MPRIP: variants seen among roughly 807,000 people sequenced by gnomAD.
MPRIP encodes the protein myosin phosphatase Rho interacting protein, also known as myosin phosphatase Rho-interacting protein.
In MPRIP, 59 loss-of-function variants were observed where a neutral mutation model predicts 234.9. The observed-to-expected ratio is 0.25, with a 90% CI of 0.20 to 0.31. The LOEUF (loss-of-function observed/expected upper bound fraction) is 0.31, where lower values mean the gene tolerates loss of function less well. Among genes scored for constraint, MPRIP ranks in the 10% least tolerant of loss-of-function variants. The pLI is 1.00. For missense variants in MPRIP, 2,436 were observed against 3,071.0 expected, an observed-to-expected ratio of 0.79 and a Z score of 4.89; for synonymous variants, 1,144 against 1,263.9, an observed-to-expected ratio of 0.91 and a Z score of 2.01.
rs758618390 is a variant in MPRIP, at chr17:17,172,852, G to GC, written c.6590+41dup. 7.7e-6 allele frequency: 12 copies of GC among 1,567,024 alleles called. No individual in the cohort carries two copies. In the South Asian group the frequency reaches 1.0e-4, roughly 13 times the overall value. On this transcript the variant is annotated intron_variant, in intron 18 of 23. Transcript: ENST00000651222. The stretch of plus-strand genomic sequence containing the variant: ...GGCCTGCCCATCTGCCCTTGGGAGG[G>GC]CCCCTCTGGGGTGCTGACCAGGCCA...
chr17:17,055,387 G>T (rs757976372), intron 1 of MPRIP, among the ~76,000 whole-genome samples: 26 of 152,318 alleles, frequency 1.7e-4, no homozygotes, highest in South Asian at 6.2e-4. Flanking sequence ...CAGAGCTGGG[G>T]AGCCGGGTCT....
intron 3 of MPRIP, among the ~76,000 whole-genome samples, chr17:17,107,500 C>G (rs1362342356): frequency 6.6e-6 from 1 of 152,192 alleles, no homozygotes; most frequent in Non-Finnish European, 1.5e-5. Flanking sequence ...GCCTTGTGAG[C>G]CTGACACTGT....
intron 3 of MPRIP, among the ~76,000 whole-genome samples, chr17:17,118,511 C>G (rs1209404156): frequency 6.6e-6 from 1 of 152,182 alleles, no homozygotes; most frequent in African/African-American, 2.4e-5. Context: ...AGGGCTCAGC[C>G]CAGCCTAGGG....
At chr17:17,146,946 A>G (rs964184749) in intron 10 of MPRIP, among the ~76,000 whole-genome samples, 1 of 152,180 alleles carries the variant, frequency 6.6e-6, no homozygotes, top group Non-Finnish European at 1.5e-5. Flanking sequence ...TGGAGATGCC[A>G]TTTCACAGCC....
intron 1 of MPRIP, among the ~76,000 whole-genome samples, chr17:17,063,240 G>A (rs950772915): frequency 3.3e-5 from 5 of 152,234 alleles, no homozygotes; most frequent in African/African-American, 1.2e-4. Flanking sequence ...TCAGCTGGGT[G>A]GGGGTGACTA....
chr17:17,154,478 C>A, intron 13 of MPRIP, 63 bp downstream of exon 13: 1 of 1,394,684 alleles, frequency 7.2e-7, no homozygotes, highest in Non-Finnish European at 1.0e-6. Context: ...CCCGCCAGGG[C>A]AGTGTCAGAC....
chr17:17,070,696 A>C (rs2089171294), intron 1 of MPRIP, among the ~76,000 whole-genome samples: 1 of 152,190 alleles, frequency 6.6e-6, no homozygotes, highest in Non-Finnish European at 1.5e-5. Flanking sequence ...GGGTGCTTTA[A>C]AATCTTTAAA....
intron 13 of MPRIP, among the ~76,000 whole-genome samples, chr17:17,155,657 CTG>C (rs1032181726): frequency 6.6e-6 from 1 of 152,276 alleles, no homozygotes; most frequent in African/African-American, 2.4e-5. Context: ...TTTTCTGTGT[CTG>C]TCATTTGTTC....
intron 23 of MPRIP, chr17:17,182,017 C>T: frequency 6.6e-6 from 1 of 152,396 alleles, no homozygotes; most frequent in Non-Finnish European, 1.5e-5. Context: ...GAGTGCAGGG[C>T]TAGTCCTGCT....
Position 17,174,003 on chromosome 17 carries a change from G to C in MPRIP, c.6678G>C (p.Gln2226His), listed in dbSNP as rs1247135457. The change falls in exon 19 of 24, where the codon CAG (glutamine) becomes CAC (histidine). Residue 2226 changes from glutamine to histidine, a missense_variant. Gln to His is a conservative substitution (Grantham distance 24, BLOSUM62 0). Transcript: ENST00000651222. ...QKCLENAHLA[Q>H]ALEAERQALR... is the part of the protein sequence containing the mutation. Reference sequence around the variant, plus strand: ...GCCTGGAGAATGCCCATCTGGCCCAGGCGCTGGAGGCCGAGCGGCAGGCCC... The same window carrying C: ...GCCTGGAGAATGCCCATCTGGCCCACGCGCTGGAGGCCGAGCGGCAGGCCC... 7.4e-6 allele frequency: 12 copies of C among 1,613,596 alleles called. No individual in the cohort carries two copies. The highest frequency in any genetic ancestry group is 1.0e-5 in the Non-Finnish European group (12 of 1,180,046).
Position 17,187,181 on chromosome 17 carries a change from C to T in MPRIP, c.*2287C>T, listed in dbSNP as rs944000652. Reference sequence around the variant, plus strand: ...TGCTTTAAATTAAAGCAAGTTTGCCCATAGGACAAAAGAGCATTTGATTCC... The same window carrying T: ...TGCTTTAAATTAAAGCAAGTTTGCCTATAGGACAAAAGAGCATTTGATTCC... On this transcript the variant is annotated 3_prime_UTR_variant, in exon 24 of 24. Transcript: ENST00000651222. 2 of 152,242 alleles carry T rather than the reference C, an allele frequency of 1.3e-5. No homozygotes were observed. The highest frequency in any genetic ancestry group is 2.4e-5 in the African/African-American group (1 of 41,442). 9.4% of individuals were successfully genotyped at this position (152,242 alleles called of 1,614,324 possible). A position where few individuals can be genotyped will look rare whatever the true frequency, so the allele number is the denominator to read the frequency against.
intron 16 of MPRIP, 101 bp downstream of exon 16, chr17:17,168,016 T>C: frequency 1.1e-6 from 1 of 920,432 alleles, no homozygotes; most frequent in East Asian, 6.2e-5. Flanking sequence ...ATTGAGGGGA[T>C]ATGCTGCTGT....
chr17:17,045,333 TTTTG>T (rs765298989), intron 1 of MPRIP, among the ~76,000 whole-genome samples: 4 of 151,944 alleles, frequency 2.6e-5, no homozygotes, highest in Non-Finnish European at 5.9e-5. Flanking sequence ...CAGCTGTGGG[TTTTG>T]TTTGTTTGTT....
rs56247606 is a variant in MPRIP, at chr17:17,185,362, C to T, written c.*468C>T. The T allele has an allele frequency of 0.028, 10,900 of 388,030 alleles. 898 individuals are homozygous for T. Among genetic ancestry groups the T allele is most frequent in the African/African-American group, 0.19 (9,231 of 48,068 alleles). The allele number at this position is 388,030 out of a possible 1,614,324, so 24.0% of individuals were successfully genotyped here. On this transcript the variant is annotated 3_prime_UTR_variant, in exon 24 of 24. Coordinates refer to ENST00000651222, the MANE Select transcript of MPRIP (RefSeq NM_001364716.4). Reference sequence around the variant, plus strand: ...CTTGGCCTGGGTCACAGCACTGACTCCTCACCCGCTAGTCTGGCTGTTAAG... The same window carrying T: ...CTTGGCCTGGGTCACAGCACTGACTTCTCACCCGCTAGTCTGGCTGTTAAG...
intron 3 of MPRIP, chr17:17,096,921 G>C: frequency 2.4e-6 from 1 of 413,000 alleles, no homozygotes; most frequent in South Asian, 1.8e-5. Flanking sequence ...CTCGTCGGCT[G>C]CTGGGAAGAC....
chr17:17,179,838 C>CA (rs973548298), intron 22 of MPRIP, among the ~76,000 whole-genome samples, 165 bp from the exon 23 acceptor site: 1 of 152,168 alleles, frequency 6.6e-6, no homozygotes, highest in Non-Finnish European at 1.5e-5. Context: ...AGAGATCTAG[C>CA]ATGTTTTATG....
chr17:17,137,929 G>A lies in MPRIP; in HGVS notation c.750G>A (p.Met250Ile). ...GLESKEEESA[M>I]SSDRMDCGRK... ...TGTCTCTTCCAGAGGAGAGCGCCATGAGTAGCGACCGCATGGACTGTGGCC... is the reference window on the plus strand; with the variant it reads ...TGTCTCTTCCAGAGGAGAGCGCCATAAGTAGCGACCGCATGGACTGTGGCC... Residue 250 changes from methionine (M) to isoleucine (I), a missense_variant, in exon 7 of 24, where the codon ATG (methionine) becomes ATA (isoleucine). Coordinates refer to ENST00000651222, the MANE Select transcript of MPRIP (RefSeq NM_001364716.4). 3 of 1,607,158 alleles carry A rather than the reference G, an allele frequency of 1.9e-6. No individual in the cohort carries two copies. The highest frequency in any genetic ancestry group is 1.1e-5 in the South Asian group (1 of 90,402).
chr17:17,074,809 T>G (rs903527997), intron 1 of MPRIP, among the ~76,000 whole-genome samples: 7 of 152,236 alleles, frequency 4.6e-5, no homozygotes, highest in Non-Finnish European at 1.5e-5. Context: ...TGGTGTATGT[T>G]AGTGCTTCAT....
intron 3 of MPRIP, among the ~76,000 whole-genome samples, chr17:17,095,366 G>A (rs530863054): frequency 1.3e-5 from 2 of 152,170 alleles, no homozygotes; most frequent in South Asian, 4.2e-4. Context: ...AGAAGGACAG[G>A]CAGGCAGGGC....
Sources: allele counts gnomAD v4.1 joint callset (sites outside exome capture counted in the v4.1 genomes callset), GRCh38; gene constraint gnomAD v4.1.1; transcripts MANE v1.5; gene names NCBI Gene and HGNC (gene_info 2026-07-23, HGNC 2026-07-21).